Variants in KCNG1 observed in about 807,000 individuals in gnomAD.
KCNG1 encodes the protein potassium voltage-gated channel modifier subfamily G member 1, also known as voltage-gated potassium channel regulatory subunit KCNG1.
A neutral mutation model predicts 32.4 loss-of-function variants in KCNG1; 17 were observed. The ratio of observed to expected loss-of-function variants is 0.52; its 90% CI spans 0.36 to 0.79. The LOEUF (loss-of-function observed/expected upper bound fraction) is 0.79. Ranked by LOEUF, KCNG1 falls within the 30% of genes least tolerant of loss-of-function variation. The pLI is 0.00. For missense variants in KCNG1, 441 were observed against 735.2 expected (o/e 0.60, Z 4.63); for synonymous variants, 358 against 339.9 (o/e 1.05, Z -0.59).
In KCNG1 at chr20:51,004,135, C is replaced by T; in HGVS notation, c.1446G>A (p.Ala482=). The part of the protein sequence containing the change: ...QEQERVMFRR[A]QFLIKTKSQL... ...GCGACTTGGTTTTGATGAGGAACTGCGCCCTCCGGAACATCACCCTCTCTT... is the reference window on the plus strand; with the variant it reads ...GCGACTTGGTTTTGATGAGGAACTGTGCCCTCCGGAACATCACCCTCTCTT... Residue 482 remains alanine (A), a synonymous_variant, in exon 3 of 3, where the codon GCG becomes GCA. Coordinates refer to ENST00000371571, the MANE Select transcript of KCNG1 (RefSeq NM_002237.4). This position sits in a 1 kb window ranked among gnomAD's most constrained non-coding sequence, Gnocchi z 4.3. 6.2e-7 allele frequency: 1 copy of T among 1,614,176 alleles called. No individual in the cohort carries two copies. The highest frequency in any genetic ancestry group is 8.5e-7 in the Non-Finnish European group (1 of 1,180,026).
rs376194940 is a variant in KCNG1, at chr20:51,011,337, C to CT, written c.-26-974dup. Among the ~76,000 whole-genome samples, 364 of 146,732 alleles carry CT rather than the reference C, an allele frequency of 2.5e-3. 1 individual carries two copies. Among genetic ancestry groups the CT allele is most frequent in the African/African-American group, 6.1e-3 (244 of 40,202 alleles). On this transcript the variant is annotated intron_variant, in intron 1 of 2. Coordinates refer to ENST00000371571, the MANE Select transcript of KCNG1 (RefSeq NM_002237.4). ...TACTTAACATTTTATTTTAAATTAA[C>CT]TTTTTTTTTTTTGGTATTTATTTGG...
rs1254127900 is a variant in KCNG1, at chr20:51,009,694, G to A, written c.645C>T (p.Asp215=). 2.5e-6 allele frequency: 4 copies of A among 1,604,250 alleles called. No homozygotes were observed. The South Asian group carries it at 4.4e-5, about 18-fold the overall frequency. The change falls in exon 2 of 3, where the codon GAC becomes GAT. Residue 215 remains aspartate, a synonymous_variant. Transcript: ENST00000371571. ...RLGRCMRRLR[D]MVERPHSGLP... ...GCCCCGAGTGCGGCCTCTCCACCAT[G>A]TCGCGCAGTCGCCGCATGCAGCGCC... is the stretch of plus-strand genomic sequence containing the variant.
Position 51,005,104 on chromosome 20 carries a change from C to A in KCNG1, c.775-298G>T. 3.2e-6 allele frequency: 1 copy of A among 317,382 alleles called. No individual in the cohort carries two copies. The allele number at this position is 317,382 out of a possible 1,614,324, so 19.7% of individuals were successfully genotyped here. On this transcript the variant is annotated intron_variant, in intron 2 of 2. Coordinates refer to ENST00000371571, the MANE Select transcript of KCNG1 (RefSeq NM_002237.4). The surrounding 1 kb of genome is among the most constrained non-coding windows in gnomAD (Gnocchi z 4.0). ...GGGTGTCTGAGGGGCATCTCGAACT[C>A]ACCATGGGATCCTGGTTTCCTCTGC...
chr20:51,008,560 T>A (rs1317382117), intron 2 of KCNG1, among the ~76,000 whole-genome samples: 1 of 152,030 alleles, frequency 6.6e-6, no homozygotes, highest in East Asian at 1.9e-4. Flanking sequence ...TTTGAACTCC[T>A]GGGCTCAAGC....
intron 1 of KCNG1, among the ~76,000 whole-genome samples, chr20:51,011,954 C>T (rs1293348679): frequency 1.3e-5 from 2 of 152,176 alleles, no homozygotes; most frequent in African/African-American, 4.8e-5. Flanking sequence ...GCCACCACAC[C>T]TGGTTAATTT....
Position 51,003,786 on chromosome 20 carries a change from G to C in KCNG1, c.*253C>G, listed in dbSNP as rs1199578516. ...CTTATTGAGGGAAACACACATAGGGGCTGGGGTGGGCGGGGCTGGGCTGAT... is the reference window on the plus strand; with the variant it reads ...CTTATTGAGGGAAACACACATAGGGCCTGGGGTGGGCGGGGCTGGGCTGAT... On this transcript the variant is annotated 3_prime_UTR_variant, in exon 3 of 3. Coordinates refer to ENST00000371571, the MANE Select transcript of KCNG1 (RefSeq NM_002237.4). The C allele has an allele frequency of 2.3e-5, 11 of 483,762 alleles. No individual in the cohort carries two copies. Among genetic ancestry groups the C allele is most frequent in the Non-Finnish European group, 4.1e-5 (11 of 271,352 alleles). 30.0% of individuals were successfully genotyped at this position (483,762 alleles called of 1,614,324 possible).
chr20:51,010,582 G>A (rs1234910438), intron 1 of KCNG1, among the ~76,000 whole-genome samples: 5 of 152,162 alleles, frequency 3.3e-5, no homozygotes, highest in African/African-American at 1.2e-4. Flanking sequence ...CCCCACGATG[G>A]GATTCGTGTT....
intron 2 of KCNG1, 109 bp downstream of exon 2, chr20:51,009,456 A>C (rs1463168255): frequency 3.2e-6 from 4 of 1,242,716 alleles, no homozygotes; most frequent in Non-Finnish European, 3.3e-6. Flanking sequence ...GGGACCAGGG[A>C]TGCTATTCAG....
chr20:51,016,131 T>G (rs1046527856), intron 1 of KCNG1, among the ~76,000 whole-genome samples: 1 of 152,082 alleles, frequency 6.6e-6, no homozygotes, highest in South Asian at 2.1e-4. Flanking sequence ...TTTGTGACAG[T>G]TGCAATAGGA....
At chr20:51,008,201 T>C (rs1987911262) in intron 2 of KCNG1, among the ~76,000 whole-genome samples, 1 of 152,152 alleles carries the variant, frequency 6.6e-6, no homozygotes, top group Non-Finnish European at 1.5e-5. Flanking sequence ...CATGATCTCA[T>C]ACACAAGGAG....
In KCNG1 at chr20:51,004,902, G is replaced by A. The variant is rs528531750; in HGVS notation, c.775-96C>T. Reference sequence around the variant, plus strand: ...CTGTGCCCTGCTGGGCTTCCCAGGCGGAAGGTGACCTCTCCAGGTTGAGTG... The same window carrying A: ...CTGTGCCCTGCTGGGCTTCCCAGGCAGAAGGTGACCTCTCCAGGTTGAGTG... On this transcript the variant is annotated intron_variant, in intron 2 of 2. Transcript: ENST00000371571. The surrounding 1 kb of genome is among the most constrained non-coding windows in gnomAD (Gnocchi z 4.3). 2.5e-5 allele frequency: 33 copies of A among 1,311,704 alleles called. No individual in the cohort carries two copies. The highest frequency in any genetic ancestry group is 3.0e-5 in the Non-Finnish European group (29 of 981,522). The allele number at this position is 1,311,704 out of a possible 1,614,324, so 81.3% of individuals were successfully genotyped here.
At position 51,003,674 on chromosome 20, in the gene KCNG1, T is replaced by A. The variant is rs1987701044; in HGVS notation, c.*365A>T. The A allele has an allele frequency of 5.8e-6, 1 of 171,754 alleles. No homozygotes were observed. The highest frequency in any genetic ancestry group is 1.2e-5 in the Non-Finnish European group (1 of 84,414). 10.6% of individuals were successfully genotyped at this position (171,754 alleles called of 1,614,324 possible). Reference sequence around the variant, plus strand: ...ACAGACATGCTGTTTCTGCTGTTTGTATTTTTTTTTTTTTTCTCCAGGCAG... The same window carrying A: ...ACAGACATGCTGTTTCTGCTGTTTGAATTTTTTTTTTTTTTCTCCAGGCAG... On this transcript the variant is annotated 3_prime_UTR_variant, in exon 3 of 3. Transcript: ENST00000371571.
At chr20:51,014,158 C>T (rs746630492) in intron 1 of KCNG1, 8 of 152,170 alleles carry the variant, frequency 5.3e-5, no homozygotes, top group Admixed American at 2.0e-4. Context: ...AACAGAGTAA[C>T]GACCTTGTTC....
intron 1 of KCNG1, among the ~76,000 whole-genome samples, chr20:51,011,316 T>G (rs990206310): frequency 1.3e-5 from 2 of 152,150 alleles, no homozygotes; most frequent in African/African-American, 4.8e-5. Flanking sequence ...GTTATTTACT[T>G]AACATTTTAT....
intron 1 of KCNG1, among the ~76,000 whole-genome samples, chr20:51,016,928 G>A (rs111381091): frequency 2.0e-4 from 31 of 152,286 alleles, no homozygotes; most frequent in African/African-American, 6.3e-4. Flanking sequence ...GCCACTGGGC[G>A]GTAATGAGGG....
At position 51,004,923 on chromosome 20, in the gene KCNG1, G is replaced by C; in HGVS notation, c.775-117C>G. On this transcript the variant is annotated intron_variant, in intron 2 of 2. Transcript: ENST00000371571. This position sits in a 1 kb window ranked among gnomAD's most constrained non-coding sequence, Gnocchi z 4.3. ...AGGCGGAAGGTGACCTCTCCAGGTTGAGTGGCCCCGGGTCCTCTCCCTAGT... is the reference window on the plus strand; with the variant it reads ...AGGCGGAAGGTGACCTCTCCAGGTTCAGTGGCCCCGGGTCCTCTCCCTAGT... 1 of 1,088,804 alleles carries C rather than the reference G, an allele frequency of 9.2e-7. No homozygotes were observed. Among genetic ancestry groups the C allele is most frequent in the Non-Finnish European group, 1.3e-6 (1 of 784,024 alleles). The allele number at this position is 1,088,804 out of a possible 1,614,324, so 67.4% of individuals were successfully genotyped here.
rs1343869980 is a variant in KCNG1 at position 51,004,336 on chromosome 20, G to A, written c.1245C>T (p.Tyr415=). Residue 415 remains tyrosine (Y), a synonymous_variant, in exon 3 of 3, where the codon TAC becomes TAT. Coordinates refer to ENST00000371571, the MANE Select transcript of KCNG1 (RefSeq NM_002237.4). This position sits in a 1 kb window ranked among gnomAD's most constrained non-coding sequence, Gnocchi z 4.3. ...SPEFTSIPAC[Y]WWAVITMTTV... Reference sequence around the variant, plus strand: ...TCGTCATGGTGATGACAGCCCACCAGTAGCAGGCAGGGATGCTGGTGAACT... The same window carrying A: ...TCGTCATGGTGATGACAGCCCACCAATAGCAGGCAGGGATGCTGGTGAACT... The A allele has an allele frequency of 6.2e-7, 1 of 1,613,830 alleles. No homozygotes were observed. Among genetic ancestry groups the A allele is most frequent in the Non-Finnish European group, 8.5e-7 (1 of 1,179,846 alleles).
At chr20:51,021,436 A>C (rs1988480326) in intron 1 of KCNG1, among the ~76,000 whole-genome samples, 1 of 152,212 alleles carries the variant, frequency 6.6e-6, no homozygotes, top group Non-Finnish European at 1.5e-5. Context: ...GCAAGGCCCC[A>C]ATCAGCAGTG....
intron 1 of KCNG1, among the ~76,000 whole-genome samples, chr20:51,018,364 G>C (rs565679594): frequency 6.6e-6 from 1 of 152,280 alleles, no homozygotes; most frequent in African/African-American, 2.4e-5. Flanking sequence ...TTTGCTGCAG[G>C]GATGAGCAGT....
Sources: allele counts gnomAD v4.1 joint callset (sites outside exome capture counted in the v4.1 genomes callset), GRCh38; gene constraint gnomAD v4.1.1; non-coding constraint Gnocchi (gnomAD v3.1); transcripts MANE v1.5; gene names NCBI Gene and HGNC (gene_info 2026-07-23, HGNC 2026-07-21).